MARCHF1: variants seen among roughly 807,000 people sequenced by gnomAD.
The protein encoded by MARCHF1 is membrane associated ring-CH-type finger 1, also known as E3 ubiquitin-protein ligase MARCHF1.
MARCHF1 carries 40 observed loss-of-function variants against 54.2 expected under a neutral mutation model. That is an observed-to-expected ratio of 0.74 (90% CI 0.57 to 0.96). The LOEUF (loss-of-function observed/expected upper bound fraction) is 0.96. Ranked by LOEUF, MARCHF1 falls within the 40% of genes least tolerant of loss-of-function variation. The probability of loss-of-function intolerance (pLI) is 0.00; values close to 1 mark genes in which losing one functional copy is unlikely to be tolerated. For synonymous variants in MARCHF1, 236 were observed against 236.3 expected, an observed-to-expected ratio of 1.00 and a Z score of 0.01; for missense variants, 586 against 656.5, an observed-to-expected ratio of 0.89 and a Z score of 1.17.
At chr4:163,696,471 C>T (rs922448604) in intron 5 of MARCHF1, among the ~76,000 whole-genome samples, 3 of 152,150 alleles carry the variant, frequency 2.0e-5, no homozygotes, top group African/African-American at 7.2e-5. Context: ...GATGACACTT[C>T]AGTGACTGCT....
chr4:164,331,938 C>A (rs1002205662), intron 1 of MARCHF1, among the ~76,000 whole-genome samples: 1 of 152,140 alleles, frequency 6.6e-6, no homozygotes, highest in Non-Finnish European at 1.5e-5. Context: ...CTAGTCCCAA[C>A]GGTTTTGTTC....
intron 1 of MARCHF1, among the ~76,000 whole-genome samples, chr4:164,271,450 G>A (rs374224765): frequency 3.3e-5 from 5 of 152,260 alleles, no homozygotes; most frequent in East Asian, 1.9e-4. Flanking sequence ...TCTCTAGAAG[G>A]TAGAAAAGGC....
At chr4:164,297,015 T>C (rs1413466053) in intron 1 of MARCHF1, among the ~76,000 whole-genome samples, 1 of 152,178 alleles carries the variant, frequency 6.6e-6, no homozygotes, top group Non-Finnish European at 1.5e-5. Flanking sequence ...AGTTGCTTAA[T>C]CTCTGACAGA....
chr4:163,628,227 T>C (rs1310764997), intron 5 of MARCHF1, among the ~76,000 whole-genome samples: 1 of 152,148 alleles, frequency 6.6e-6, no homozygotes, highest in East Asian at 1.9e-4. Context: ...GACAACCTAA[T>C]AAAAATGCTC....
In MARCHF1 at chr4:164,051,193, T is replaced by A. The variant is rs533207189; in HGVS notation, c.-248+60395A>T. Among the ~76,000 whole-genome samples the A allele has an allele frequency of 6.8e-4, 104 of 152,264 alleles. 1 individual carries two copies. Among genetic ancestry groups the A allele is most frequent in the African/African-American group, 2.4e-3 (99 of 41,548 alleles). On this transcript the variant is annotated intron_variant, in intron 2 of 9. Coordinates refer to ENST00000514618, the MANE Select transcript of MARCHF1 (RefSeq NM_001394959.1). ...TTTATCTTATATATAATGATGCTCA[T>A]CTCAAAGGTTTACAGAAAATATATG...
intron 1 of MARCHF1, among the ~76,000 whole-genome samples, chr4:164,153,124 GAA>G (rs1729988723): frequency 1.0e-4 from 1 of 9,882 alleles, no homozygotes; most frequent in Non-Finnish European, 1.6e-4. Context: ...CATCAACAGA[GAA>G]TATATATATA....
intron 3 of MARCHF1, among the ~76,000 whole-genome samples, chr4:163,890,793 C>T (rs765018510): frequency 1.1e-4 from 17 of 151,946 alleles, no homozygotes; most frequent in Non-Finnish European, 2.1e-4. Context: ...ATAGGTTTGA[C>T]CCACCGGAAC....
rs1381941939 is a variant in MARCHF1, at chr4:164,119,258, T to C, written c.-322-7596A>G. ...TTTAAAAATTTCTTTTGTACAATTC[T>C]AGATTTGAAGGGATAATTAAAATCA... On this transcript the variant is annotated intron_variant, in intron 1 of 9. Transcript: ENST00000514618. Among the ~76,000 whole-genome samples the C allele has an allele frequency of 3.3e-5, 5 of 151,762 alleles. No individual in the cohort carries two copies. The East Asian group carries it at 9.6e-4, about 29-fold the overall frequency.
At chr4:163,627,055 T>C (rs147058999) in intron 5 of MARCHF1, among the ~76,000 whole-genome samples, 190 of 152,326 alleles carry the variant, frequency 1.2e-3, no homozygotes, top group African/African-American at 4.5e-3. Flanking sequence ...AATGTACTTA[T>C]GAAATCTCAG....
intron 2 of MARCHF1, among the ~76,000 whole-genome samples, chr4:164,000,455 T>C (rs994143564): frequency 3.3e-5 from 5 of 151,296 alleles, no homozygotes; most frequent in Non-Finnish European, 5.9e-5. Flanking sequence ...CAATAAAATA[T>C]TCAGTAGATT....
intron 5 of MARCHF1, among the ~76,000 whole-genome samples, chr4:163,694,643 G>A (rs956758902): frequency 6.6e-6 from 1 of 152,110 alleles, no homozygotes; most frequent in Non-Finnish European, 1.5e-5. Context: ...CTCAGGATCT[G>A]CTGTGATAAA....
At chr4:164,284,423 G>A (rs75748031) in intron 1 of MARCHF1, among the ~76,000 whole-genome samples, 3,501 of 150,510 alleles carry the variant, frequency 0.023, 129 homozygotes, top group Middle Eastern at 0.079. Context: ...GAAATAGGAC[G>A]CCCTATAGTG....
intron 7 of MARCHF1, among the ~76,000 whole-genome samples, chr4:163,588,226 C>T (rs1001601628): frequency 7.2e-5 from 11 of 152,130 alleles, no homozygotes; most frequent in African/African-American, 2.7e-4. Flanking sequence ...TATAGCACCA[C>T]ATATGAAAGG....
chr4:163,948,566 G>A (rs1435030657), intron 3 of MARCHF1, among the ~76,000 whole-genome samples: 2 of 152,174 alleles, frequency 1.3e-5, no homozygotes, highest in African/African-American at 4.8e-5. Flanking sequence ...TCGAGGATAG[G>A]TTGTTTTTCA....
chr4:163,985,357 C>T lies in MARCHF1; in HGVS notation c.-39+3144G>A, dbSNP rs753252872. Among the ~76,000 whole-genome samples, 7 of 152,108 alleles carry T rather than the reference C, an allele frequency of 4.6e-5. No homozygotes were observed. In the South Asian group the frequency reaches 1.4e-3, roughly 31 times the overall value. ...ACCCTTAATATCAACTGTATTCAAA[C>T]TGGACATAATATATTATTTTGTGTT... On this transcript the variant is annotated intron_variant, in intron 3 of 9. Transcript: ENST00000514618.
intron 1 of MARCHF1, among the ~76,000 whole-genome samples, chr4:164,272,300 A>C (rs1733763227): frequency 6.6e-6 from 1 of 152,098 alleles, no homozygotes; most frequent in Non-Finnish European, 1.5e-5. Flanking sequence ...ACAGGAGTGG[A>C]CTAGGAAGTA....
chr4:163,785,904 A>G (rs1047272204), intron 4 of MARCHF1, among the ~76,000 whole-genome samples: 2 of 152,012 alleles, frequency 1.3e-5, no homozygotes, highest in Non-Finnish European at 2.9e-5. Context: ...GGTGGGCCCA[A>G]TATATTCTCA....
At chr4:163,623,528 A>G (rs1444903432) in intron 5 of MARCHF1, among the ~76,000 whole-genome samples, 1 of 152,190 alleles carries the variant, frequency 6.6e-6, no homozygotes, top group Non-Finnish European at 1.5e-5. Context: ...GCACAAGCCT[A>G]AATGGGACGG....
At chr4:164,171,317 C>T (rs996792497) in intron 1 of MARCHF1, among the ~76,000 whole-genome samples, 1 of 151,992 alleles carries the variant, frequency 6.6e-6, no homozygotes, top group Non-Finnish European at 1.5e-5. Flanking sequence ...GTTTCCATTA[C>T]TATAAGTTAC....
Sources: allele counts gnomAD v4.1 joint callset (sites outside exome capture counted in the v4.1 genomes callset), GRCh38; gene constraint gnomAD v4.1.1; transcripts MANE v1.5; gene names NCBI Gene and HGNC (gene_info 2026-07-23, HGNC 2026-07-21).